Variants in IL1RAPL1 observed in about 807,000 individuals in gnomAD.
IL1RAPL1 encodes interleukin 1 receptor accessory protein like 1, also known as interleukin-1 receptor accessory protein-like 1.
Under a neutral mutation model 48.4 loss-of-function variants are expected in IL1RAPL1, and 3 were observed. The ratio of observed to expected loss-of-function variants is 0.06; its 90% confidence interval spans 0.03 to 0.16. The LOEUF (loss-of-function observed/expected upper bound fraction) is 0.16, where lower values mean the gene tolerates loss of function less well. Ranked by LOEUF, IL1RAPL1 falls within the 10% of genes least tolerant of loss-of-function variation. IL1RAPL1 has a pLI of 1.00. For synonymous variants in IL1RAPL1, 185 were observed against 187.7 expected (o/e 0.99, Z 0.12); for missense variants, 349 against 530.6 (o/e 0.66, Z 3.36).
intron 1 of IL1RAPL1, among the ~76,000 whole-genome samples, chrX:28,602,747 C>T (rs1934041851): frequency 2.7e-5 from 3 of 111,491 alleles, no homozygotes; most frequent in South Asian, 3.7e-4. Context: ...AATTTGGGTA[C>T]TCCTGCTAGC....
intron 2 of IL1RAPL1, among the ~76,000 whole-genome samples, chrX:28,882,969 G>A (rs1235335796): frequency 9.0e-6 from 1 of 111,447 alleles, no homozygotes; most frequent in Non-Finnish European, 1.9e-5. Context: ...ATAAAAAGAT[G>A]TCATTTGCAA....
chrX:29,589,045 C>T (rs929023984), intron 5 of IL1RAPL1, among the ~76,000 whole-genome samples: 1 of 110,950 alleles, frequency 9.0e-6, no homozygotes, highest in African/African-American at 3.3e-5. Context: ...TTAAGAGTGC[C>T]GAATCTTAGG....
At chrX:29,057,814 G>C (rs778604831) in intron 2 of IL1RAPL1, among the ~76,000 whole-genome samples, 46 of 111,871 alleles carry the variant, frequency 4.1e-4, no homozygotes, top group African/African-American at 1.4e-3. Flanking sequence ...GATCTGAGTA[G>C]AGACTTGGAG....
chrX:29,826,989 T>A (rs2147185979), intron 6 of IL1RAPL1, among the ~76,000 whole-genome samples: 1 of 112,363 alleles, frequency 8.9e-6, no homozygotes, highest in Non-Finnish European at 1.9e-5. Flanking sequence ...CTGTATGAGT[T>A]CCAATTTTTC....
Position 29,480,291 on chromosome X carries a change from C to CATATATATATATATATATAT in IL1RAPL1, c.703+80990_703+81009dup, listed in dbSNP as rs61703733. On this transcript the variant is annotated intron_variant, in intron 5 of 10. Coordinates refer to ENST00000378993, the MANE Select transcript of IL1RAPL1 (RefSeq NM_014271.4). ...TGATATATGTATACACACACATATA[C>CATATATATATATATATATAT]ATATATATATATATATATATATATA... Among the ~76,000 whole-genome samples the CATATATATATATATATATAT allele has an allele frequency of 1.8e-3, 139 of 76,536 alleles. 1 individual carries two copies. The highest frequency in any genetic ancestry group is 6.4e-3 in the African/African-American group (105 of 16,428). The allele number at this position is 76,536 out of a possible 115,157, so 66.5% of individuals were successfully genotyped here.
At chrX:29,798,417 C>T (rs934332880) in intron 6 of IL1RAPL1, among the ~76,000 whole-genome samples, 3 of 111,739 alleles carry the variant, frequency 2.7e-5, no homozygotes, top group Admixed American at 1.9e-4. Context: ...ATGACTTGGC[C>T]TAAAACACAG....
intron 1 of IL1RAPL1, among the ~76,000 whole-genome samples, chrX:28,628,171 A>G (rs1934361773): frequency 1.8e-5 from 2 of 111,530 alleles, no homozygotes; most frequent in South Asian, 7.6e-4. Flanking sequence ...TCTGATGGTC[A>G]CAATGTTCTG....
At chrX:29,006,645 A>ATG (rs1399219653) in intron 2 of IL1RAPL1, among the ~76,000 whole-genome samples, 934 of 80,016 alleles carry the variant, frequency 0.012, 18 homozygotes, top group African/African-American at 0.043. Flanking sequence ...GTGTTTATAT[A>ATG]TATGTGTGTG....
intron 5 of IL1RAPL1, among the ~76,000 whole-genome samples, chrX:29,532,654 T>C (rs759299395): frequency 2.0e-4 from 23 of 112,256 alleles, no homozygotes; most frequent in African/African-American, 7.4e-4. Flanking sequence ...AATAAATTCA[T>C]GAATCTGTCC....
At chrX:29,787,129 G>A (rs889043910) in intron 6 of IL1RAPL1, among the ~76,000 whole-genome samples, 12 of 111,665 alleles carry the variant, frequency 1.1e-4, no homozygotes, top group African/African-American at 3.6e-4. Flanking sequence ...GTAGAGGAAC[G>A]CAGCAAGCCC....
At chrX:29,142,794 G>A (rs1446294559) in intron 2 of IL1RAPL1, among the ~76,000 whole-genome samples, 2 of 109,449 alleles carry the variant, frequency 1.8e-5, no homozygotes, top group African/African-American at 3.3e-5. Context: ...TCCACCTCCC[G>A]GGTTCAAGCA....
chrX:29,387,901 G>A (rs1933800492), intron 3 of IL1RAPL1, among the ~76,000 whole-genome samples: 2 of 108,223 alleles, frequency 1.8e-5, no homozygotes, highest in East Asian at 2.9e-4. Flanking sequence ...GCTGAGGCAC[G>A]ATAATTCCTT....
intron 5 of IL1RAPL1, 25 bp downstream of exon 5, chrX:29,399,333 C>G: frequency 8.7e-7 from 1 of 1,153,994 alleles, no homozygotes; most frequent in Non-Finnish European, 1.2e-6. Context: ...CAATATTTCA[C>G]TTGCAAGTGA....
chrX:29,096,673 C>G (rs1472635028), intron 2 of IL1RAPL1, among the ~76,000 whole-genome samples: 1 of 110,310 alleles, frequency 9.1e-6, no homozygotes, highest in Non-Finnish European at 1.9e-5. Flanking sequence ...ATGATTTGAA[C>G]TGGAAAAACA....
At chrX:29,480,894 G>GA (rs1935035810) in intron 5 of IL1RAPL1, among the ~76,000 whole-genome samples, 1 of 110,579 alleles carries the variant, frequency 9.0e-6, no homozygotes, top group Non-Finnish European at 1.9e-5. Flanking sequence ...TTTTAACCTT[G>GA]AAAAAAATCT....
intron 3 of IL1RAPL1, among the ~76,000 whole-genome samples, chrX:29,333,283 C>A (rs1205150242): frequency 2.8e-5 from 3 of 108,618 alleles, no homozygotes; most frequent in East Asian, 5.9e-4. Context: ...GGGGGCTGAC[C>A]CCCCCCACCA....
At chrX:29,329,284 T>C (rs1279530526) in intron 3 of IL1RAPL1, among the ~76,000 whole-genome samples, 2 of 111,619 alleles carry the variant, frequency 1.8e-5, no homozygotes, top group Admixed American at 1.9e-4. Flanking sequence ...AAATAGTTCA[T>C]ATACTTACAA....
At chrX:29,658,079 C>T (rs1036196102) in intron 5 of IL1RAPL1, among the ~76,000 whole-genome samples, 1 of 111,917 alleles carries the variant, frequency 8.9e-6, no homozygotes, top group Admixed American at 9.5e-5. Context: ...AACATTTATG[C>T]AAAATCTACT....
chrX:29,563,349 C>T (rs1922301764), intron 5 of IL1RAPL1, among the ~76,000 whole-genome samples: 1 of 111,760 alleles, frequency 8.9e-6, no homozygotes, highest in African/African-American at 3.2e-5. Context: ...AAAACTGTTA[C>T]TCAGAGCTTT....
Sources: allele counts gnomAD v4.1 joint callset (sites outside exome capture counted in the v4.1 genomes callset), GRCh38; gene constraint gnomAD v4.1.1; transcripts MANE v1.5; gene names NCBI Gene and HGNC (gene_info 2026-07-23, HGNC 2026-07-21).